Variants in RSU1 observed in about 807,000 individuals in gnomAD.
RSU1 encodes the protein rsu-1.
A neutral mutation model predicts 31.1 loss-of-function variants in RSU1; 26 were observed. The ratio of observed to expected loss-of-function variants is 0.84; its 90% CI spans 0.61 to 1.16. The LOEUF is 1.16. Ranked by LOEUF, RSU1 falls within the 50% of genes most tolerant of loss-of-function variation. The pLI is 0.00. For missense variants in RSU1, 320 were observed against 339.1 expected (o/e 0.94, Z 0.44); for synonymous variants, 164 against 136.3 (o/e 1.20, Z -1.41).
intron 7 of RSU1, among the ~76,000 whole-genome samples, chr10:16,712,722 A>G (rs1375796532): frequency 2.6e-5 from 4 of 152,172 alleles, no homozygotes; most frequent in Non-Finnish European, 5.9e-5. Flanking sequence ...AAGTCTTCAT[A>G]CTAGAGGATT....
intron 7 of RSU1, among the ~76,000 whole-genome samples, chr10:16,702,954 T>A (rs1835824438): frequency 6.6e-6 from 1 of 152,204 alleles, no homozygotes; most frequent in Admixed American, 6.5e-5. Context: ...GGTGGCAGGA[T>A]CATAAGAGTA....
At chr10:16,618,012 A>G (rs1274451244) in intron 8 of RSU1, among the ~76,000 whole-genome samples, 1 of 152,256 alleles carries the variant, frequency 6.6e-6, no homozygotes, top group Admixed American at 6.5e-5. Flanking sequence ...GAGCTTCTGC[A>G]CAGCAAAAGA....
intron 7 of RSU1, among the ~76,000 whole-genome samples, chr10:16,695,399 G>A (rs1016242343): frequency 3.3e-5 from 5 of 152,192 alleles, no homozygotes; most frequent in African/African-American, 9.6e-5. Context: ...GGAAAGCAGA[G>A]CAGAGGGAAG....
chr10:16,795,223 G>A (rs1838004050), intron 2 of RSU1, among the ~76,000 whole-genome samples: 1 of 151,848 alleles, frequency 6.6e-6, no homozygotes, highest in Admixed American at 6.6e-5. Flanking sequence ...GTGTGATGGT[G>A]GGTGCCTGTA....
chr10:16,683,160 GGTGTGT>G (rs4012467), intron 8 of RSU1, among the ~76,000 whole-genome samples: 7 of 143,350 alleles, frequency 4.9e-5, no homozygotes, highest in Non-Finnish European at 1.1e-4. Flanking sequence ...ATGGGTGTGT[GGTGTGT>G]GTGTGTGTGT....
At chr10:16,670,098 A>C (rs1354696386) in intron 8 of RSU1, among the ~76,000 whole-genome samples, 1 of 152,210 alleles carries the variant, frequency 6.6e-6, no homozygotes, top group Admixed American at 6.5e-5. Context: ...CATGTAGTGC[A>C]AATCAATTCA....
At chr10:16,796,646 T>C (rs11254194) in intron 2 of RSU1, among the ~76,000 whole-genome samples, 7,959 of 152,244 alleles carry the variant, frequency 0.052, 264 homozygotes, top group African/African-American at 0.095. Flanking sequence ...CTGGTCTGCA[T>C]CAGATACTAC....
intron 8 of RSU1, among the ~76,000 whole-genome samples, chr10:16,692,165 C>A (rs992805456): frequency 1.3e-5 from 2 of 152,100 alleles, no homozygotes; most frequent in Admixed American, 1.3e-4. Flanking sequence ...CTACGCCAAC[C>A]CCCCAAAATA....
chr10:16,761,905 TCCTTCA>T (rs1246480245), intron 4 of RSU1, among the ~76,000 whole-genome samples: 26 of 152,170 alleles, frequency 1.7e-4, no homozygotes, highest in Admixed American at 1.2e-3. Flanking sequence ...TGAGATGCCT[TCCTTCA>T]ACTTGTAAGT....
In RSU1 at chr10:16,754,971, A is replaced by G; in HGVS notation, c.300T>C (p.Thr100=). The G allele has an allele frequency of 6.2e-7, 1 of 1,613,244 alleles. No homozygotes were observed. Among genetic ancestry groups the G allele is most frequent in the Non-Finnish European group, 8.5e-7 (1 of 1,179,624 alleles). Residue 100 remains threonine (T), a synonymous_variant, in exon 5 of 9, where the codon ACT becomes ACC. Transcript: ENST00000345264. The part of the protein sequence containing the change: ...HLNLGMNRLN[T]LPRGFGSLPA... ...GCAGGGAGCCGAAGCCTCGTGGCAA[A>G]GTGTTCAGCCTGTTCATGCTGTTGC... is the stretch of plus-strand genomic sequence containing the variant.
At chr10:16,658,453 G>T (rs1285280671) in intron 8 of RSU1, among the ~76,000 whole-genome samples, 1 of 152,190 alleles carries the variant, frequency 6.6e-6, no homozygotes. Flanking sequence ...GACGGGCACA[G>T]GGGCTCATGC....
intron 2 of RSU1, among the ~76,000 whole-genome samples, chr10:16,802,737 C>A (rs536745178): frequency 6.6e-6 from 1 of 152,096 alleles, no homozygotes; most frequent in Non-Finnish European, 1.5e-5. Context: ...GGTTCAAATT[C>A]AAAAACAAAA....
chr10:16,787,776 TGTGA>T (rs1364949543), intron 2 of RSU1, among the ~76,000 whole-genome samples: 2 of 152,222 alleles, frequency 1.3e-5, no homozygotes, highest in Non-Finnish European at 2.9e-5. Flanking sequence ...CATGTGGAAA[TGTGA>T]GTCCATTAAA....
At position 16,654,667 on chromosome 10, in the gene RSU1, TCAAAAA is replaced by T. The variant is rs1476255229; in HGVS notation, c.731+40350_731+40355del. ...CTGAGTGACAGAGTGAGACTCCATC[TCAAAAA>T]CAAAAACAAAAAAAAAAAAAAAGGA... On this transcript the variant is annotated intron_variant, in intron 8 of 8. Coordinates refer to ENST00000345264, the MANE Select transcript of RSU1 (RefSeq NM_012425.4). Among the ~76,000 whole-genome samples the T allele has an allele frequency of 6.1e-4, 80 of 131,576 alleles. 2 individuals carry two copies. The highest frequency in any genetic ancestry group is 6.0e-5 in the African/African-American group (2 of 33,126). The allele number at this position is 131,576 out of a possible 152,430, so 86.3% of individuals were successfully genotyped here. A position where few individuals can be genotyped will look rare whatever the true frequency, so the allele number is the denominator to read the frequency against.
At position 16,695,159 on chromosome 10, in the gene RSU1, G is replaced by GC. The variant is rs775644277; in HGVS notation, c.599-5_599-4insG. 105 of 1,310,270 alleles carry GC rather than the reference G, an allele frequency of 8.0e-5. 2 individuals are homozygous for GC. Among genetic ancestry groups the GC allele is most frequent in the East Asian group, 2.3e-4 (6 of 26,072 alleles). 81.2% of individuals were successfully genotyped at this position (1,310,270 alleles called of 1,614,324 possible). On this transcript the variant is annotated splice_polypyrimidine_tract_variant and splice_region_variant and intron_variant, in intron 7 of 8. Transcript: ENST00000345264. ...TGGCCAGTTAAATCCAAGTTTCCTG[G>GC]GGGGGGGGAAAAAAAAAGTGAAGGT...
intron 7 of RSU1, among the ~76,000 whole-genome samples, chr10:16,735,134 G>C (rs960762827): frequency 1.3e-5 from 2 of 152,214 alleles, no homozygotes; most frequent in African/African-American, 4.8e-5. Flanking sequence ...TGTTATGGCA[G>C]ACCCAGCAAA....
intron 8 of RSU1, among the ~76,000 whole-genome samples, chr10:16,627,672 G>A (rs189273814): frequency 1.2e-4 from 18 of 150,334 alleles, no homozygotes; most frequent in Admixed American, 4.7e-4. Context: ...CAGGAGAATC[G>A]CTTGAATCTG....
At chr10:16,633,366 C>A (rs377405141) in intron 8 of RSU1, among the ~76,000 whole-genome samples, 4 of 152,144 alleles carry the variant, frequency 2.6e-5, no homozygotes, top group East Asian at 1.9e-4. Context: ...GGTATGATGG[C>A]CCCTGGGTAG....
chr10:16,700,871 T>C (rs10904794), intron 7 of RSU1, among the ~76,000 whole-genome samples: 52,779 of 152,070 alleles, frequency 0.35, 9,608 homozygotes, highest in Middle Eastern at 0.44. Flanking sequence ...TGCACTGACC[T>C]GGAGGGAGGT....
Sources: gnomAD v4.1 joint callset for allele counts (sites outside exome capture counted in the v4.1 genomes callset) on GRCh38, gnomAD v4.1.1 for gene constraint, MANE v1.5 for transcripts, NCBI Gene and HGNC (gene_info 2026-07-23, HGNC 2026-07-21) for gene names.